JAZF1: variants seen among roughly 807,000 people sequenced by gnomAD.
JAZF1 encodes JAZF zinc finger 1, also known as juxtaposed with another zinc finger protein 1.
JAZF1 carries 8 observed loss-of-function variants against 26.4 expected under a neutral mutation model. That is an observed-to-expected ratio of 0.30 (90% CI 0.18 to 0.55). The LOEUF is 0.55. JAZF1 is among the 20% of genes least tolerant of loss of function. JAZF1 has a pLI of 0.94. For synonymous variants in JAZF1, 126 were observed against 122.3 expected (o/e 1.03, Z -0.20); for missense variants, 199 against 322.0 (o/e 0.62, Z 2.92).
intron 1 of JAZF1, among the ~76,000 whole-genome samples, chr7:28,080,244 CCTCACCCAGCCTTCATAGAAT>C (rs765817159): frequency 2.8e-4 from 42 of 152,202 alleles, no homozygotes; most frequent in Non-Finnish European, 4.7e-4. Context: ...AGCTTCCTCA[CCTCACCCAGCCTTCATAGAAT>C]TGAAGAGACT....
chr7:28,119,908 T>A (rs1319230512), intron 1 of JAZF1, among the ~76,000 whole-genome samples: 2 of 152,244 alleles, frequency 1.3e-5, no homozygotes, highest in Non-Finnish European at 2.9e-5. Flanking sequence ...TACATATATC[T>A]GTATCAACAG....
chr7:27,947,609 T>C (rs1311898412), intron 2 of JAZF1, among the ~76,000 whole-genome samples: 1 of 152,216 alleles, frequency 6.6e-6, no homozygotes, highest in African/African-American at 2.4e-5. Flanking sequence ...CATGACTATG[T>C]GTAAACCAAC....
intron 1 of JAZF1, among the ~76,000 whole-genome samples, chr7:28,019,107 A>T (rs188135357): frequency 6.6e-6 from 1 of 152,200 alleles, no homozygotes. Flanking sequence ...ATCCTTGCCA[A>T]GTTCTTCACA....
At chr7:28,053,924 A>G (rs1783656380) in intron 1 of JAZF1, among the ~76,000 whole-genome samples, 2 of 152,222 alleles carry the variant, frequency 1.3e-5, no homozygotes, top group Admixed American at 6.5e-5. Context: ...AAACTGTTGA[A>G]TAAAGCAAAA....
At chr7:27,856,825 G>C (rs1331570620) in intron 3 of JAZF1, among the ~76,000 whole-genome samples, 1 of 152,082 alleles carries the variant, frequency 6.6e-6, no homozygotes, top group Non-Finnish European at 1.5e-5. Flanking sequence ...TAACTAGATA[G>C]AGAGTGCTGA....
At chr7:28,066,151 A>G (rs1783878040) in intron 1 of JAZF1, among the ~76,000 whole-genome samples, 1 of 152,236 alleles carries the variant, frequency 6.6e-6, no homozygotes, top group South Asian at 2.1e-4. Context: ...GTGTTAACAC[A>G]CACCTTAGAT....
intron 1 of JAZF1, among the ~76,000 whole-genome samples, chr7:28,066,552 G>A (rs916663438): frequency 4.3e-5 from 6 of 140,440 alleles, no homozygotes; most frequent in African/African-American, 1.6e-4. Context: ...GCAGTGAGCC[G>A]AGATCGCACC....
At chr7:28,059,918 C>G (rs1783771468) in intron 1 of JAZF1, among the ~76,000 whole-genome samples, 1 of 152,120 alleles carries the variant, frequency 6.6e-6, no homozygotes, top group Admixed American at 6.6e-5. Context: ...TATGCCATAT[C>G]TAGGCATACG....
chr7:27,905,976 T>C lies in JAZF1; in HGVS notation c.189-10560A>G, dbSNP rs941013498. 1.3e-5 allele frequency among the ~76,000 whole-genome samples: 2 copies of C among 152,244 alleles called. 1 individual carries two copies. Among genetic ancestry groups the C allele is most frequent in the South Asian group, 4.1e-4 (2 of 4,832 alleles). ...CATATATATAGTATTATTTATAACA[T>C]ACTGTTTACAATTATTCTCTAGATG... On this transcript the variant is annotated intron_variant, in intron 2 of 4. Coordinates refer to ENST00000283928, the MANE Select transcript of JAZF1 (RefSeq NM_175061.4).
intron 2 of JAZF1, among the ~76,000 whole-genome samples, chr7:27,987,889 C>G (rs1411822644): frequency 6.6e-6 from 1 of 152,110 alleles, no homozygotes; most frequent in Admixed American, 6.5e-5. Flanking sequence ...TAACCTTACC[C>G]CCAACCCCAT....
intron 1 of JAZF1, among the ~76,000 whole-genome samples, chr7:27,997,312 G>A (rs1402277463): frequency 6.6e-6 from 1 of 152,128 alleles, no homozygotes; most frequent in African/African-American, 2.4e-5. Flanking sequence ...ATAGTGGAGG[G>A]AGGAGAGGGG....
chr7:27,895,426 T>G lies in JAZF1; in HGVS notation c.189-10A>C. The G allele has an allele frequency of 6.4e-7, 1 of 1,574,766 alleles. No homozygotes were observed. The highest frequency in any genetic ancestry group is 1.2e-5 in the South Asian group (1 of 85,214). On this transcript the variant is annotated splice_polypyrimidine_tract_variant and intron_variant, in intron 2 of 4. Coordinates refer to ENST00000283928, the MANE Select transcript of JAZF1 (RefSeq NM_175061.4). ...AGCATCTGTCATGAATCTGAAACAATAATGGAAGGTAAGGAACCTGGGCCA... is the reference window on the plus strand; with the variant it reads ...AGCATCTGTCATGAATCTGAAACAAGAATGGAAGGTAAGGAACCTGGGCCA...
chr7:27,851,580 T>C (rs1056243473), intron 3 of JAZF1, among the ~76,000 whole-genome samples: 2 of 152,038 alleles, frequency 1.3e-5, no homozygotes, highest in Non-Finnish European at 2.9e-5. Flanking sequence ...AAAACCAGGA[T>C]AGAACCCTGT....
At chr7:28,167,728 T>C (rs374633141) in intron 1 of JAZF1, among the ~76,000 whole-genome samples, 4 of 152,230 alleles carry the variant, frequency 2.6e-5, no homozygotes, top group African/African-American at 9.6e-5. Context: ...ATGGTACTGA[T>C]AATAATCTTA....
chr7:28,151,127 G>T (rs1343189365), intron 1 of JAZF1, among the ~76,000 whole-genome samples: 2 of 150,592 alleles, frequency 1.3e-5, no homozygotes, highest in East Asian at 3.9e-4. Flanking sequence ...TTTTTGAGAC[G>T]GAGTTTCACT....
chr7:27,934,878 T>C (rs972543327), intron 2 of JAZF1, among the ~76,000 whole-genome samples: 1 of 152,168 alleles, frequency 6.6e-6, no homozygotes, highest in Non-Finnish European at 1.5e-5. Flanking sequence ...ACTAAAACTT[T>C]AGTGTTGCAA....
intron 2 of JAZF1, among the ~76,000 whole-genome samples, chr7:27,926,404 T>C (rs1219188630): frequency 6.6e-6 from 1 of 152,190 alleles, no homozygotes; most frequent in Non-Finnish European, 1.5e-5. Flanking sequence ...TGGCTCGCAC[T>C]TTTTCCTTAA....
At chr7:27,982,424 G>A (rs560870091) in intron 2 of JAZF1, among the ~76,000 whole-genome samples, 29 of 152,278 alleles carry the variant, frequency 1.9e-4, no homozygotes, top group Non-Finnish European at 3.5e-4. Flanking sequence ...CCACTGCTGA[G>A]GCTTGAGTAG....
At chr7:27,989,268 T>C (rs1219959221) in intron 2 of JAZF1, among the ~76,000 whole-genome samples, 1 of 152,134 alleles carries the variant, frequency 6.6e-6, no homozygotes, top group Non-Finnish European at 1.5e-5. Context: ...CCCTTCCTTA[T>C]ACCTTATACA....
Sources: gnomAD v4.1 joint callset for allele counts (sites outside exome capture counted in the v4.1 genomes callset) on GRCh38, gnomAD v4.1.1 for gene constraint, MANE v1.5 for transcripts, NCBI Gene and HGNC (gene_info 2026-07-23, HGNC 2026-07-21) for gene names.